Variants in MARCHF1 observed in about 807,000 individuals in gnomAD.
MARCHF1 encodes the protein membrane associated ring-CH-type finger 1.
A neutral mutation model predicts 54.2 loss-of-function variants in MARCHF1; 40 were observed. That is an observed-to-expected ratio of 0.74 (90% CI 0.57 to 0.96). The LOEUF (loss-of-function observed/expected upper bound fraction) is 0.96, where lower values mean the gene tolerates loss of function less well. MARCHF1 is among the 40% of genes least tolerant of loss of function. MARCHF1 has a pLI of 0.00. For missense variants in MARCHF1, 586 were observed against 656.5 expected, an observed-to-expected ratio of 0.89 and a Z score of 1.17; for synonymous variants, 236 against 236.3, an observed-to-expected ratio of 1.00 and a Z score of 0.01.
intron 3 of MARCHF1, among the ~76,000 whole-genome samples, chr4:163,917,061 T>C (rs559527700): frequency 2.6e-5 from 4 of 152,192 alleles, no homozygotes; most frequent in African/African-American, 9.6e-5. Context: ...TCCATAGTTT[T>C]GCTGTTTCCA....
chr4:163,866,946 G>T (rs1250583443), intron 3 of MARCHF1, among the ~76,000 whole-genome samples: 1 of 151,822 alleles, frequency 6.6e-6, no homozygotes, highest in Non-Finnish European at 1.5e-5. Flanking sequence ...AAAAAGTACT[G>T]CCAGCCAGGG....
At chr4:164,319,027 A>C (rs965669214) in intron 1 of MARCHF1, among the ~76,000 whole-genome samples, 1 of 152,156 alleles carries the variant, frequency 6.6e-6, no homozygotes, top group African/African-American at 2.4e-5. Context: ...TGGATATCTG[A>C]ATTGGGTGGA....
At chr4:164,114,281 A>G (rs1455024296) in intron 1 of MARCHF1, among the ~76,000 whole-genome samples, 3 of 151,934 alleles carry the variant, frequency 2.0e-5, no homozygotes, top group Non-Finnish European at 2.9e-5. Flanking sequence ...TATCTCATTG[A>G]CTTAATGCAC....
intron 5 of MARCHF1, among the ~76,000 whole-genome samples, chr4:163,666,843 T>C (rs1743551976): frequency 1.3e-5 from 2 of 152,162 alleles, no homozygotes; most frequent in South Asian, 2.1e-4. Context: ...CAAAGGTAAA[T>C]AGAAATGACA....
intron 2 of MARCHF1, among the ~76,000 whole-genome samples, chr4:164,040,190 A>C (rs2111016451): frequency 6.9e-6 from 1 of 144,656 alleles, no homozygotes; most frequent in East Asian, 2.0e-4. Context: ...ACAAATATAT[A>C]TTATAAATAC....
intron 5 of MARCHF1, among the ~76,000 whole-genome samples, chr4:163,654,926 G>A (rs1349118086): frequency 6.6e-6 from 1 of 151,264 alleles, no homozygotes; most frequent in Non-Finnish European, 1.5e-5. Flanking sequence ...ATCTTTTTAT[G>A]TACTTCTTAC....
chr4:163,630,284 A>T (rs893552335), intron 5 of MARCHF1, among the ~76,000 whole-genome samples: 1 of 85,774 alleles, frequency 1.2e-5, no homozygotes, highest in Non-Finnish European at 2.0e-5. Context: ...TGAGATATGC[A>T]AAAAATAGAA....
chr4:163,616,846 G>A (rs950771072), intron 5 of MARCHF1, among the ~76,000 whole-genome samples: 2 of 151,990 alleles, frequency 1.3e-5, no homozygotes, highest in Non-Finnish European at 2.9e-5. Flanking sequence ...GAAAACAGTA[G>A]GGAAATTTCT....
Position 164,284,328 on chromosome 4 carries a change from GAGAGAC to G in MARCHF1, c.-323+99536_-323+99541del, listed in dbSNP as rs1454679183. 2.3e-3 allele frequency among the ~76,000 whole-genome samples: 286 copies of G among 124,354 alleles called. 6 individuals are homozygous for G. The highest frequency in any genetic ancestry group is 7.8e-3 in the African/African-American group (242 of 30,836). 81.6% of individuals were successfully genotyped at this position (124,354 alleles called of 152,430 possible). A position where few individuals can be genotyped will look rare whatever the true frequency, so the allele number is the denominator to read the frequency against. On this transcript the variant is annotated intron_variant, in intron 1 of 9. Coordinates refer to ENST00000514618, the MANE Select transcript of MARCHF1 (RefSeq NM_001394959.1). Reference sequence around the variant, plus strand: ...CTTAAGCTAAAGAAAGTGAGAGAGAGAGAGACAGAGAGAGAGAGAGAGAGAGAGAGA... The same window carrying G: ...CTTAAGCTAAAGAAAGTGAGAGAGAGAGAGAGAGAGAGAGAGAGAGAGAGA...
rs192528677 is a variant in MARCHF1, at chr4:163,822,373, A to C, written c.111+31648T>G. On this transcript the variant is annotated intron_variant, in intron 4 of 9. Coordinates refer to ENST00000514618, the MANE Select transcript of MARCHF1 (RefSeq NM_001394959.1). The stretch of plus-strand genomic sequence containing the variant: ...ACCACTGCAATCTATGTATTTGCCA[A>C]TTATATGAATAGTTTTGCAAAAAAG... Among the ~76,000 whole-genome samples the C allele has an allele frequency of 3.3e-5, 5 of 152,068 alleles. No homozygotes were observed. The East Asian group carries it at 9.7e-4, about 29-fold the overall frequency.
intron 1 of MARCHF1, among the ~76,000 whole-genome samples, chr4:164,252,984 G>A (rs987448983): frequency 5.3e-5 from 8 of 152,096 alleles, no homozygotes; most frequent in Non-Finnish European, 1.0e-4. Flanking sequence ...AGTGGGTGAA[G>A]AGAGGACAGC....
chr4:164,240,725 C>A (rs969100830), intron 1 of MARCHF1, among the ~76,000 whole-genome samples: 2 of 152,034 alleles, frequency 1.3e-5, no homozygotes, highest in African/African-American at 4.8e-5. Context: ...GGGCATGGGA[C>A]AAACTGACTA....
At chr4:163,839,720 A>G (rs1490829820) in intron 4 of MARCHF1, among the ~76,000 whole-genome samples, 1 of 152,090 alleles carries the variant, frequency 6.6e-6, no homozygotes, top group African/African-American at 2.4e-5. Context: ...GGAATGGAGG[A>G]AGGGCTGGTG....
At chr4:164,329,722 G>T (rs936030130) in intron 1 of MARCHF1, among the ~76,000 whole-genome samples, 1 of 152,284 alleles carries the variant, frequency 6.6e-6, no homozygotes, top group South Asian at 2.1e-4. Flanking sequence ...GGCAAAAGAA[G>T]GAGCAAGACA....
intron 1 of MARCHF1, among the ~76,000 whole-genome samples, chr4:164,185,205 G>T (rs1360030007): frequency 6.6e-6 from 1 of 152,108 alleles, no homozygotes; most frequent in Admixed American, 6.5e-5. Flanking sequence ...ATGGTGATTT[G>T]TGTTTGTATT....
In MARCHF1 at chr4:163,612,671, G is replaced by C. The variant is rs1216388108; in HGVS notation, c.610C>G (p.Pro204Ala). 1 of 1,535,430 alleles carries C rather than the reference G, an allele frequency of 6.5e-7. No homozygotes were observed. Among genetic ancestry groups the C allele is most frequent in the African/African-American group, 1.4e-5 (1 of 72,986 alleles). The change falls in exon 7 of 10, where the codon CCT becomes GCT. Residue 204 changes from proline (P) to alanine (A), a missense_variant. By Grantham distance (27) the Pro-to-Ala change is conservative. Around this residue, in one of 3 missense-constraint regions of MARCHF1, gnomAD observed 387 missense variants for 394.6 expected, o/e 0.98. Transcript: ENST00000514618. ...PCENLAGSSTPNGIELVDLGS... is the reference protein window; with the variant it reads ...PCENLAGSSTANGIELVDLGS... Reference sequence around the variant, plus strand: ...AGATCAACGAGCTCAATTCCGTTAGGAGTGGAAGACCCAGCTAAGTTTTCA... The same window carrying C: ...AGATCAACGAGCTCAATTCCGTTAGCAGTGGAAGACCCAGCTAAGTTTTCA...
Position 163,733,197 on chromosome 4 carries a change from A to ATATATACATACACATG in MARCHF1, c.112-32335_112-32334insCATGTGTATGTATATA, listed in dbSNP as rs1745906172. Among the ~76,000 whole-genome samples the ATATATACATACACATG allele has an allele frequency of 3.1e-4, 10 of 32,316 alleles. 1 individual carries two copies. The highest frequency in any genetic ancestry group is 9.2e-4 in the African/African-American group (10 of 10,894). The allele number at this position is 32,316 out of a possible 152,430, so 21.2% of individuals were successfully genotyped here. On this transcript the variant is annotated intron_variant, in intron 4 of 9. Coordinates refer to ENST00000514618, the MANE Select transcript of MARCHF1 (RefSeq NM_001394959.1). ...TGTGTGTATATATATATATATATAT[A>ATATATACATACACATG]TATATATATATATATATATATATAC...
chr4:164,168,663 T>TACACAC (rs3059785), intron 1 of MARCHF1, among the ~76,000 whole-genome samples: 18,326 of 146,970 alleles, frequency 0.12, 1,440 homozygotes, highest in Admixed American at 0.21. Flanking sequence ...TTATGTGGAA[T>TACACAC]ACACACACAC....
At chr4:164,289,640 C>A (rs1179714260) in intron 1 of MARCHF1, among the ~76,000 whole-genome samples, 1 of 148,558 alleles carries the variant, frequency 6.7e-6, no homozygotes, top group African/African-American at 2.5e-5. Context: ...ATTTAAGCAA[C>A]AGCGGTTATA....
Sources: gnomAD v4.1 joint callset for allele counts (sites outside exome capture counted in the v4.1 genomes callset) on GRCh38, gnomAD v4.1.1 for gene constraint, gnomAD v4.1.1 regional missense constraint, MANE v1.5 for transcripts, NCBI Gene and HGNC (gene_info 2026-07-23, HGNC 2026-07-21) for gene names.